Variants in URB1 observed in about 807,000 individuals in gnomAD.
URB1 encodes URB1 ribosome biogenesis factor.
URB1 carries 197 observed loss-of-function variants against 242.3 expected under a neutral mutation model. That is an observed-to-expected ratio of 0.81 (90% confidence interval 0.72 to 0.91). The LOEUF is 0.91. URB1 is among the 40% of genes least tolerant of loss of function. The probability of loss-of-function intolerance (pLI) is 0.00; values close to 1 mark genes in which losing one functional copy is unlikely to be tolerated. For synonymous variants in URB1, 1,153 were observed against 1,201.8 expected (o/e 0.96, Z 0.84); for missense variants, 2,721 against 2,860.5 (o/e 0.95, Z 1.11).
In URB1 at chr21:32,312,057, A is replaced by G. The variant is rs1234859325; in HGVS notation, c.*2861T>C. The G allele has an allele frequency of 1.2e-6, 2 of 1,608,752 alleles. No homozygotes were observed. Among genetic ancestry groups the G allele is most frequent in the Admixed American group, 1.7e-5 (1 of 59,994 alleles). On this transcript the variant is annotated 3_prime_UTR_variant, in exon 39 of 39. Coordinates refer to ENST00000382751, the MANE Select transcript of URB1 (RefSeq NM_014825.3). ...TGAAATCAAGCCAACCTGGACACAT[A>G]CGTTCCTCGTTCTTCTTAGAGGCCA...
At position 32,328,047 on chromosome 21, in the gene URB1, T is replaced by C. The variant is rs79164868; in HGVS notation, c.4961-2658A>G. 6.8e-3 allele frequency among the ~76,000 whole-genome samples: 1,036 copies of C among 152,352 alleles called. 13 individuals are homozygous for C. The highest frequency in any genetic ancestry group is 0.024 in the African/African-American group (1,005 of 41,580). On this transcript the variant is annotated intron_variant, in intron 30 of 38. Coordinates refer to ENST00000382751, the MANE Select transcript of URB1 (RefSeq NM_014825.3). ...CTGCCTTCAAGAAACCCATTTTCAA[T>C]ATCAAGACATAGACTAAAAGTGAAA...
At chr21:32,369,963 G>A (rs985274383) in intron 8 of URB1, among the ~76,000 whole-genome samples, 2 of 131,686 alleles carry the variant, frequency 1.5e-5, no homozygotes, top group Admixed American at 1.6e-4. Context: ...ACAACAGAGC[G>A]AGTCTCCATC....
At chr21:32,378,339 C>T in intron 5 of URB1, 106 bp downstream of exon 5, 1 of 1,004,314 alleles carries the variant, frequency 1.0e-6, no homozygotes, top group East Asian at 2.6e-5. Context: ...CTGGTGTACA[C>T]AGCAACTGCA....
At chr21:32,339,494 CT>C (rs751108545) in intron 25 of URB1, among the ~76,000 whole-genome samples, 1,640 of 139,056 alleles carry the variant, frequency 0.012, 20 homozygotes, top group African/African-American at 0.038. Context: ...TTTTTTTTTT[CT>C]TTTTTTTTTT....
At position 32,363,342 on chromosome 21, in the gene URB1, A is replaced by G. The variant is rs2033310398; in HGVS notation, c.1336-13T>C. 1 of 1,549,818 alleles carries G rather than the reference A, an allele frequency of 6.5e-7. No individual in the cohort carries two copies. On this transcript the variant is annotated splice_polypyrimidine_tract_variant and intron_variant, in intron 10 of 38. Coordinates refer to ENST00000382751, the MANE Select transcript of URB1 (RefSeq NM_014825.3). ...AGGTGCTGTCCAACTGGGAAGAAAA[A>G]GAGTTAAATGCACACATGTCTCTAG...
rs1211760234 is a variant in URB1, at chr21:32,345,599, A to C, written c.3869-24T>G. The C allele has an allele frequency of 5.9e-6, 9 of 1,516,450 alleles. No homozygotes were observed. In the East Asian group the frequency reaches 2.2e-4, roughly 38 times the overall value. The allele number at this position is 1,516,450 out of a possible 1,614,324, so 93.9% of individuals were successfully genotyped here. Reference sequence around the variant, plus strand: ...CACTAGGGCAGAGATACAAAGGAGAAGTCATCACACCCAATGGTGGGCTGC... The same window carrying C: ...CACTAGGGCAGAGATACAAAGGAGACGTCATCACACCCAATGGTGGGCTGC... On this transcript the variant is annotated intron_variant, in intron 22 of 38. Transcript: ENST00000382751.
chr21:32,381,111 C>A (rs555172200), intron 4 of URB1, among the ~76,000 whole-genome samples: 1 of 152,306 alleles, frequency 6.6e-6, no homozygotes, highest in African/African-American at 2.4e-5. Context: ...CTGTCGTGGC[C>A]CCCTGGGGCT....
rs187586583 is a variant in URB1, at chr21:32,356,569, T to C, written c.1989+968A>G. Among the ~76,000 whole-genome samples, 15 of 152,286 alleles carry C rather than the reference T, an allele frequency of 9.8e-5. No homozygotes were observed. The East Asian group carries it at 1.2e-3, about 12-fold the overall frequency. On this transcript the variant is annotated intron_variant, in intron 15 of 38. Transcript: ENST00000382751. ...TTGACCCCTCACAGCTACTCAACCC[T>C]TAGCCTGTATGAAATTCTCCAAGGT...
At position 32,311,769 on chromosome 21, in the gene URB1, A is replaced by G; in HGVS notation, c.*3149T>C. The G allele has an allele frequency of 6.2e-7, 1 of 1,614,126 alleles. No individual in the cohort carries two copies. The highest frequency in any genetic ancestry group is 8.5e-7 in the Non-Finnish European group (1 of 1,180,026). ...CATCCAGAAGTGCCTGCCGTGCCAC[A>G]GGGAACCCCTGGCAACCTCACAGGC... is the stretch of plus-strand genomic sequence containing the variant. On this transcript the variant is annotated 3_prime_UTR_variant, in exon 39 of 39. Coordinates refer to ENST00000382751, the MANE Select transcript of URB1 (RefSeq NM_014825.3).
In URB1 at chr21:32,334,147, A is replaced by G. The variant is rs758852858; in HGVS notation, c.4857+16T>C. On this transcript the variant is annotated intron_variant, in intron 29 of 38. Transcript: ENST00000382751. Reference sequence around the variant, plus strand: ...GGGTGAAGGGGTGGGTAGGGACAGAACAGCAGCAGCCCAACCTCGGGGGGC... The same window carrying G: ...GGGTGAAGGGGTGGGTAGGGACAGAGCAGCAGCAGCCCAACCTCGGGGGGC... 26 of 1,536,274 alleles carry G rather than the reference A, an allele frequency of 1.7e-5. No homozygotes were observed. Among genetic ancestry groups the G allele is most frequent in the Non-Finnish European group, 2.0e-5 (23 of 1,136,420 alleles).
At chr21:32,316,104 C>T (rs2032680291) in intron 38 of URB1, among the ~76,000 whole-genome samples, 1 of 152,254 alleles carries the variant, frequency 6.6e-6, no homozygotes, top group African/African-American at 2.4e-5. Flanking sequence ...CATACGCACG[C>T]ACGCGCACAC....
At chr21:32,325,192 C>T in intron 31 of URB1, 37 bp downstream of exon 31, 1 of 1,522,814 alleles carries the variant, frequency 6.6e-7, no homozygotes, top group Non-Finnish European at 8.9e-7. Context: ...TCCGCCAGGC[C>T]CACCCCCACA....
chr21:32,392,410 T>C (rs2033649662), intron 1 of URB1, among the ~76,000 whole-genome samples: 2 of 152,212 alleles, frequency 1.3e-5, no homozygotes, highest in African/African-American at 4.8e-5. Context: ...AACTGTCTCA[T>C]GAACCGTCCT....
At chr21:32,315,127 A>ACC in intron 38 of URB1, 28 bp from the exon 39 acceptor site, 2 of 1,487,654 alleles carry the variant, frequency 1.3e-6, no homozygotes, top group South Asian at 1.3e-5. Flanking sequence ...ATAGGCCATT[A>ACC]GGATGCACAC....
intron 1 of URB1, among the ~76,000 whole-genome samples, chr21:32,390,999 C>A (rs1256695606): frequency 5.3e-5 from 8 of 152,120 alleles, no homozygotes; most frequent in Admixed American, 1.3e-4. Context: ...TGGATTAAGA[C>A]AATGTGGCAC....
intron 37 of URB1, 117 bp from the exon 38 acceptor site, chr21:32,317,182 C>T (rs541409558): frequency 2.5e-5 from 34 of 1,376,826 alleles, no homozygotes; most frequent in Admixed American, 5.8e-5. Flanking sequence ...CCTGAGCACC[C>T]GGCCCTGCTC....
Position 32,345,588 on chromosome 21 carries a change from T to G in URB1, c.3869-13A>C, listed in dbSNP as rs952689343. The G allele has an allele frequency of 2.0e-6, 3 of 1,524,842 alleles. No individual in the cohort carries two copies. The highest frequency in any genetic ancestry group is 2.7e-6 in the Non-Finnish European group (3 of 1,127,338). The allele number at this position is 1,524,842 out of a possible 1,614,324, so 94.5% of individuals were successfully genotyped here. A position where few individuals can be genotyped will look rare whatever the true frequency, so the allele number is the denominator to read the frequency against. On this transcript the variant is annotated splice_polypyrimidine_tract_variant and intron_variant, in intron 22 of 38. Coordinates refer to ENST00000382751, the MANE Select transcript of URB1 (RefSeq NM_014825.3). ...ACAGCGGAAGACACTAGGGCAGAGATACAAAGGAGAAGTCATCACACCCAA... is the reference window on the plus strand; with the variant it reads ...ACAGCGGAAGACACTAGGGCAGAGAGACAAAGGAGAAGTCATCACACCCAA...
Position 32,350,763 on chromosome 21 carries a change from G to A in URB1, c.2773C>T (p.Leu925=). ...TMPHLSMQQV[L]LAAKQVLLYL... ...AGCAACACCTGCTTGGCCGCGAGCAGGACCTGCTGCATGGACAGGTGTGGC... is the reference window on the plus strand; with the variant it reads ...AGCAACACCTGCTTGGCCGCGAGCAAGACCTGCTGCATGGACAGGTGTGGC... The change falls in exon 20 of 39, where the codon CTG becomes TTG. Residue 925 remains leucine, a synonymous_variant. Transcript: ENST00000382751. The A allele has an allele frequency of 6.4e-7, 1 of 1,551,540 alleles. No individual in the cohort carries two copies. The highest frequency in any genetic ancestry group is 8.7e-7 in the Non-Finnish European group (1 of 1,147,014).
At position 32,350,693 on chromosome 21, in the gene URB1, G is replaced by T; in HGVS notation, c.2832+11C>A. The T allele has an allele frequency of 1.3e-6, 2 of 1,550,232 alleles. No individual in the cohort carries two copies. Among genetic ancestry groups the T allele is most frequent in the Non-Finnish European group, 1.7e-6 (2 of 1,146,172 alleles). On this transcript the variant is annotated intron_variant, in intron 20 of 38. Coordinates refer to ENST00000382751, the MANE Select transcript of URB1 (RefSeq NM_014825.3). ...GCTCTGAAGCCTGTGGAGGATGGGG[G>T]CAACGCTGACCTGGCCGAAGTTCTC...
Sources: allele counts gnomAD v4.1 joint callset (sites outside exome capture counted in the v4.1 genomes callset), GRCh38; gene constraint gnomAD v4.1.1; transcripts MANE v1.5; gene names NCBI Gene and HGNC (gene_info 2026-07-23, HGNC 2026-07-21).